The following TBC1D1 variants were observed in gnomAD, a reference collection of about 807,000 sequenced individuals.
TBC1D1 encodes TBC1 (tre-2/USP6, BUB2, cdc16) domain family, member 1.
Under a neutral mutation model 125.6 loss-of-function variants are expected in TBC1D1, and 89 were observed. The ratio of observed to expected loss-of-function variants is 0.71; its 90% CI spans 0.60 to 0.85. TBC1D1 has a LOEUF of 0.85. Ranked by LOEUF, TBC1D1 falls within the 40% of genes least tolerant of loss-of-function variation. The probability of loss-of-function intolerance (pLI) is 0.00; values close to 1 mark genes in which losing one functional copy is unlikely to be tolerated. For synonymous variants in TBC1D1, 565 were observed against 564.1 expected (o/e 1.00, Z -0.02); for missense variants, 1,377 against 1,469.2 (o/e 0.94, Z 1.03).
chr4:37,980,254 C>T (rs1734081355), intron 2 of TBC1D1, among the ~76,000 whole-genome samples: 1 of 152,178 alleles, frequency 6.6e-6, no homozygotes, highest in African/African-American at 2.4e-5. Context: ...AAAAATTGGA[C>T]ATGATCTGGA....
At chr4:37,990,695 C>T (rs1736367447) in intron 2 of TBC1D1, among the ~76,000 whole-genome samples, 1 of 152,124 alleles carries the variant, frequency 6.6e-6, no homozygotes, top group Admixed American at 6.5e-5. Flanking sequence ...ACTAGTGTTT[C>T]AGTAAAAGCA....
At position 38,078,544 on chromosome 4, in the gene TBC1D1, G is replaced by A. The variant is rs540297464; in HGVS notation, c.2051-11388G>A. On this transcript the variant is annotated intron_variant, in intron 12 of 19. Transcript: ENST00000261439. ...TTGGGAGGTGATTAAGTTTAGATGAGATTGTGTGAGTGAAGCCCTCATGAA... is the reference window on the plus strand; with the variant it reads ...TTGGGAGGTGATTAAGTTTAGATGAAATTGTGTGAGTGAAGCCCTCATGAA... Among the ~76,000 whole-genome samples, 2 of 152,302 alleles carry A rather than the reference G, an allele frequency of 1.3e-5. 1 individual carries two copies. Among genetic ancestry groups the A allele is most frequent in the South Asian group, 4.1e-4 (2 of 4,832 alleles).
In TBC1D1 at chr4:38,125,121, C is replaced by T. The variant is rs1215737989; in HGVS notation, c.3122C>T (p.Thr1041Ile). ...CTTGGCTTGGTACAGATGGAAAAGA[C>T]CATCAATCAGGTATGAGTCAGTCCA... Residue 1041 changes from threonine to isoleucine, a missense_variant, in exon 18 of 20, where the codon ACC (threonine) becomes ATC (isoleucine). Thr to Ile is a moderately conservative substitution (Grantham distance 89). Around this residue, in one of 3 missense-constraint regions of TBC1D1, gnomAD observed 543 missense variants for 613.5 expected, o/e 0.89. Transcript: ENST00000261439. 1.1e-5 allele frequency: 17 copies of T among 1,613,868 alleles called. No homozygotes were observed. Among genetic ancestry groups the T allele is most frequent in the Non-Finnish European group, 1.4e-5 (17 of 1,179,976 alleles).
intron 12 of TBC1D1, among the ~76,000 whole-genome samples, chr4:38,079,481 TG>T (rs568616132): frequency 7.2e-4 from 110 of 152,272 alleles, no homozygotes; most frequent in African/African-American, 2.6e-3. Context: ...CCCAGCACGT[TG>T]GGAGGCCGAG....
chr4:38,065,026 G>A (rs571453898), intron 12 of TBC1D1, among the ~76,000 whole-genome samples: 50 of 152,102 alleles, frequency 3.3e-4, no homozygotes, highest in Non-Finnish European at 3.1e-4. Flanking sequence ...CGCCTCCTGA[G>A]TTCAAGTGAT....
intron 6 of TBC1D1, among the ~76,000 whole-genome samples, chr4:38,026,080 TA>T (rs35440185): frequency 1.8e-4 from 27 of 148,402 alleles, no homozygotes; most frequent in South Asian, 1.7e-3. Flanking sequence ...TGAGATTACT[TA>T]AAAAAAAAAA....
intron 18 of TBC1D1, among the ~76,000 whole-genome samples, chr4:38,130,053 T>G (rs1560276600): frequency 6.6e-6 from 1 of 152,238 alleles, no homozygotes. Flanking sequence ...GGAAGCCATA[T>G]GTATAAGGTT....
intron 15 of TBC1D1, among the ~76,000 whole-genome samples, chr4:38,103,468 C>T (rs772925673): frequency 2.0e-4 from 31 of 152,064 alleles, no homozygotes; most frequent in Admixed American, 5.2e-4. Context: ...TACAGTCAAC[C>T]GAAGGAACAT....
intron 19 of TBC1D1, 87 bp downstream of exon 21, chr4:38,133,344 C>G (rs1285464784): frequency 3.8e-6 from 5 of 1,302,832 alleles, no homozygotes; most frequent in Non-Finnish European, 4.3e-6. Context: ...GCTGGGCTTT[C>G]CCATGACCAG....
At chr4:38,119,027 T>C (rs1273202019) in intron 17 of TBC1D1, among the ~76,000 whole-genome samples, 2 of 152,208 alleles carry the variant, frequency 1.3e-5, no homozygotes, top group Admixed American at 1.3e-4. Context: ...AAAAGTGATA[T>C]TTTTGACAAT....
At chr4:37,934,336 G>A (rs1723930397) in intron 2 of TBC1D1, among the ~76,000 whole-genome samples, 1 of 152,148 alleles carries the variant, frequency 6.6e-6, no homozygotes. Context: ...ACCCAGGCAC[G>A]TGGACATCAG....
At chr4:38,106,909 C>T (rs1386546375) in intron 15 of TBC1D1, among the ~76,000 whole-genome samples, 3 of 152,102 alleles carry the variant, frequency 2.0e-5, no homozygotes, top group Admixed American at 1.3e-4. Flanking sequence ...TGTGGGAGCC[C>T]GGTCCACTGG....
Position 38,020,728 on chromosome 4 carries a change from C to A in TBC1D1, c.1077+33C>A, listed in dbSNP as rs532347085. 6.3e-6 allele frequency: 10 copies of A among 1,575,652 alleles called. No homozygotes were observed. In the South Asian group the frequency reaches 9.9e-5, roughly 16 times the overall value. ...AGGACAAGCAATTCTTACCTTGGAACCTTCTTTACAAGGAATTTTAGCTCC... is the reference window on the plus strand; with the variant it reads ...AGGACAAGCAATTCTTACCTTGGAAACTTCTTTACAAGGAATTTTAGCTCC... On this transcript the variant is annotated intron_variant, in intron 5 of 19. Coordinates refer to ENST00000261439, the MANE Select transcript of TBC1D1 (RefSeq NM_015173.4).
intron 19 of TBC1D1, among the ~76,000 whole-genome samples, chr4:38,135,582 AG>A (rs953944185): frequency 2.0e-5 from 3 of 152,314 alleles, no homozygotes; most frequent in South Asian, 2.1e-4. Context: ...CGGAATGCAG[AG>A]GGGCTTCAAA....
intron 2 of TBC1D1, among the ~76,000 whole-genome samples, chr4:37,907,538 T>G (rs1312453779): frequency 1.3e-5 from 2 of 152,172 alleles, no homozygotes; most frequent in Admixed American, 6.5e-5. Flanking sequence ...GCACCATACA[T>G]GCACCATAGG....
In TBC1D1 at chr4:38,004,966, G is replaced by A. The variant is rs148667904; in HGVS notation, c.418-9543G>A. Among the ~76,000 whole-genome samples, 674 of 152,278 alleles carry A rather than the reference G, an allele frequency of 4.4e-3. 4 individuals are homozygous for A. The highest frequency in any genetic ancestry group is 0.015 in the African/African-American group (618 of 41,544). On this transcript the variant is annotated intron_variant, in intron 2 of 19. Coordinates refer to ENST00000261439, the MANE Select transcript of TBC1D1 (RefSeq NM_015173.4). ...CAAAATGCCTCAGCAGCAACTTAAC[G>A]AGCCCAGAAGAAGGGTCTGACCTGG...
chr4:38,126,173 G>A (rs1764614865), intron 18 of TBC1D1, among the ~76,000 whole-genome samples: 1 of 152,178 alleles, frequency 6.6e-6, no homozygotes, highest in Non-Finnish European at 1.5e-5. Context: ...TGTAACACAA[G>A]GTGGAGTATT....
At chr4:38,050,899 C>T (rs750402490) in intron 11 of TBC1D1, among the ~76,000 whole-genome samples, 3 of 152,198 alleles carry the variant, frequency 2.0e-5, no homozygotes, top group South Asian at 2.1e-4. Flanking sequence ...TGGAATTCAG[C>T]GGGGTAGTGG....
Position 38,049,628 on chromosome 4 carries a change from T to C in TBC1D1, c.1640T>C (p.Val547Ala), listed in dbSNP as rs759877468. 1 of 1,607,274 alleles carries C rather than the reference T, an allele frequency of 6.2e-7. No individual in the cohort carries two copies. The highest frequency in any genetic ancestry group is 8.5e-7 in the Non-Finnish European group (1 of 1,175,546). Residue 547 changes from valine (V) to alanine (A), a missense_variant, in exon 11 of 20, where the codon GTG (valine) becomes GCG (alanine). By Grantham distance (64) the Val-to-Ala change is moderately conservative. This residue lies in a region of TBC1D1 where 822 missense variants were observed against 824.6 expected (regional missense o/e 1.00). Coordinates refer to ENST00000261439, the MANE Select transcript of TBC1D1 (RefSeq NM_015173.4). ...TGTGTTTGCTCCCAGGAGCCATCTGTGTGTGAAAAGGAGGCCTTGCCCATC... is the reference window on the plus strand; with the variant it reads ...TGTGTTTGCTCCCAGGAGCCATCTGCGTGTGAAAAGGAGGCCTTGCCCATC...
Sources: allele counts gnomAD v4.1 joint callset (sites outside exome capture counted in the v4.1 genomes callset), GRCh38; gene constraint gnomAD v4.1.1; regional missense constraint gnomAD v4.1.1; transcripts MANE v1.5; gene names NCBI Gene and HGNC (gene_info 2026-07-23, HGNC 2026-07-21).